Variants in CPS1 observed in about 807,000 individuals in gnomAD.
The protein encoded by CPS1 is carbamoyl-phosphate synthase 1, also known as carbamoyl-phosphate synthase [ammonia], mitochondrial.
In CPS1, 109 loss-of-function variants were observed where a neutral mutation model predicts 174.6. The ratio of observed to expected loss-of-function variants is 0.62; its 90% CI spans 0.53 to 0.73. The LOEUF (loss-of-function observed/expected upper bound fraction) is 0.73. Among genes scored for constraint, CPS1 ranks in the 30% least tolerant of loss-of-function variants. CPS1 has a pLI of 0.00. For synonymous variants in CPS1, 637 were observed against 632.0 expected, an observed-to-expected ratio of 1.01 and a Z score of -0.12; for missense variants, 1,689 against 1,821.9, an observed-to-expected ratio of 0.93 and a Z score of 1.33.
At position 210,648,499 on chromosome 2, in the gene CPS1, T is replaced by C. The variant is rs1456170262; in HGVS notation, c.3363T>C (p.Ser1121=). The C allele has an allele frequency of 5.0e-6, 8 of 1,613,570 alleles. No homozygotes were observed. The South Asian group carries it at 7.7e-5, about 16-fold the overall frequency. ...ATGAAGCACTGGAATTTGCAAAGTC[T>C]GTGGACTACCCCTGCTTGTTGAGGC... is the stretch of plus-strand genomic sequence containing the variant. ...TLNEALEFAK[S]VDYPCLLRPS... is the part of the protein sequence containing the mutation. The change falls in exon 27 of 38, where the codon TCT becomes TCC. Residue 1121 remains serine, a synonymous_variant. Coordinates refer to ENST00000233072, the MANE Select transcript of CPS1 (RefSeq NM_001875.5).
At chr2:210,594,472 T>G (rs776074886) in intron 11 of CPS1, 36 bp from the exon 12 acceptor site, 1 of 1,441,368 alleles carries the variant, frequency 6.9e-7, no homozygotes, top group Admixed American at 1.7e-5. Flanking sequence ...TTAGGAATTT[T>G]GAAGCTTCTA....
chr2:210,495,082 G>A (rs1242782423), intron 1 of CPS1, among the ~76,000 whole-genome samples: 4 of 152,130 alleles, frequency 2.6e-5, no homozygotes, highest in Admixed American at 6.5e-5. Flanking sequence ...TGGTAAAATG[G>A]ATGCAAATAT....
At chr2:210,506,605 T>C (rs769972905) in intron 1 of CPS1, among the ~76,000 whole-genome samples, 8 of 152,086 alleles carry the variant, frequency 5.3e-5, no homozygotes, top group Admixed American at 1.3e-4. Flanking sequence ...TTCGAACCCA[T>C]GGCAAAGAAG....
intron 19 of CPS1, among the ~76,000 whole-genome samples, chr2:210,609,256 AAG>A (rs1407546282): frequency 2.9e-4 from 44 of 152,102 alleles, no homozygotes; most frequent in African/African-American, 1.0e-3. Context: ...AGAGGAAAGA[AAG>A]GAATTCATAT....
At chr2:210,578,568 C>G (rs1233507567) in intron 4 of CPS1, among the ~76,000 whole-genome samples, 1 of 152,100 alleles carries the variant, frequency 6.6e-6, no homozygotes, top group Admixed American at 6.6e-5. Flanking sequence ...GAATTTTATT[C>G]TACGAAAGTG....
At chr2:210,617,995 T>C (rs1699369260) in intron 21 of CPS1, 1 of 151,986 alleles carries the variant, frequency 6.6e-6, no homozygotes, top group South Asian at 2.1e-4. Context: ...AAATAGCAGA[T>C]GTTATTGTGA....
chr2:210,570,011 A>G (rs1274590979), intron 1 of CPS1, among the ~76,000 whole-genome samples: 1 of 152,004 alleles, frequency 6.6e-6, no homozygotes, highest in African/African-American at 2.4e-5. Context: ...TTGGAATGAA[A>G]TAGCATTTGG....
At chr2:210,655,712 T>C (rs934329519) in intron 29 of CPS1, among the ~76,000 whole-genome samples, 1 of 152,186 alleles carries the variant, frequency 6.6e-6, no homozygotes, top group Non-Finnish European at 1.5e-5. Context: ...AGTAAAGCAC[T>C]TTGCCCAGGT....
chr2:210,525,526 A>G (rs1695947965), intron 1 of CPS1, among the ~76,000 whole-genome samples: 1 of 151,742 alleles, frequency 6.6e-6, no homozygotes, highest in East Asian at 2.0e-4. Flanking sequence ...AAGAACTTAC[A>G]GCTTCTGCTT....
At chr2:210,504,630 T>C (rs1399547412) in intron 1 of CPS1, among the ~76,000 whole-genome samples, 3 of 152,224 alleles carry the variant, frequency 2.0e-5, no homozygotes, top group Non-Finnish European at 2.9e-5. Flanking sequence ...GGGTTGTGTA[T>C]TGGAGTAACA....
rs528876669 is a variant in CPS1 at position 210,545,465 on chromosome 2, T to C, written c.4-11254T>C. On this transcript the variant is annotated intron_variant, in intron 1 of 38. Coordinates refer to the CPS1 transcript ENST00000430249. Reference sequence around the variant, plus strand: ...ATTGTGGCATTCTTATTGGGTGTGGTAGTAGCAATAAATTATAAATGTATG... The same window carrying C: ...ATTGTGGCATTCTTATTGGGTGTGGCAGTAGCAATAAATTATAAATGTATG... 5.3e-5 allele frequency among the ~76,000 whole-genome samples: 8 copies of C among 152,170 alleles called. No homozygotes were observed. The South Asian group carries it at 1.7e-3, about 32-fold the overall frequency.
In CPS1 at chr2:210,674,926, G is replaced by A. The variant is rs140578009; in HGVS notation, c.4126G>A (p.Gly1376Ser). The A allele has an allele frequency of 0.014, 21,990 of 1,613,610 alleles. 205 individuals carry two copies. Among genetic ancestry groups the A allele is most frequent in the Middle Eastern group, 0.036 (217 of 6,052 alleles). Residue 1376 changes from glycine (G) to serine (S), a missense_variant, in exon 35 of 38, where the codon GGT (glycine) becomes AGT (serine). Gly to Ser is a moderately conservative substitution (Grantham distance 56, BLOSUM62 0). Transcript: ENST00000233072. ...IQQSFRPRFLGVAEQLHNEGF... is the reference protein window; with the variant it reads ...IQQSFRPRFLSVAEQLHNEGF... ...GCAATCATTCCGGCCAAGATTCCTTGGTGTGGCTGAACAATTACACAATGA... is the reference window on the plus strand; with the variant it reads ...GCAATCATTCCGGCCAAGATTCCTTAGTGTGGCTGAACAATTACACAATGA...
chr2:210,670,152 C>G (rs999891162), intron 34 of CPS1, among the ~76,000 whole-genome samples: 1 of 152,074 alleles, frequency 6.6e-6, no homozygotes, highest in Non-Finnish European at 1.5e-5. Context: ...GTTCTAGCAG[C>G]TACATGAGTT....
rs121912596 is a variant in CPS1, at chr2:210,608,527, C to T, written c.2359C>T (p.Arg787Ter). 18 of 1,611,864 alleles carry T rather than the reference C, an allele frequency of 1.1e-5. No individual in the cohort carries two copies. The highest frequency in any genetic ancestry group is 1.4e-5 in the Non-Finnish European group (17 of 1,178,670). The part of the protein sequence containing the change: ...DLDRFHGTSS[R>*]IGSSMKSVGE... ...TGACCGTTTTCATGGAACATCTAGC[C>T]GAATTGGTAGCTCTATGAAAAGTGT... The change falls in exon 19 of 38, where the codon CGA (arginine) becomes TGA (stop). Residue 787 changes from arginine to a stop codon, truncating the protein, a stop_gained. Transcript: ENST00000233072. LOFTEE classifies it high-confidence loss of function.
chr2:210,626,169 A>G (rs13033773), intron 21 of CPS1, among the ~76,000 whole-genome samples: 1,797 of 152,312 alleles, frequency 0.012, 12 homozygotes, highest in Middle Eastern at 0.024. Context: ...GGCATAAGGT[A>G]TAAGTCATAA....
intron 1 of CPS1, among the ~76,000 whole-genome samples, chr2:210,502,448 A>G (rs1695167515): frequency 7.5e-6 from 1 of 133,142 alleles, no homozygotes; most frequent in South Asian, 2.5e-4. Flanking sequence ...AGAGATATCT[A>G]TGAGATACAT....
intron 7 of CPS1, among the ~76,000 whole-genome samples, chr2:210,588,744 A>G (rs552081550): frequency 8.5e-5 from 13 of 152,170 alleles, no homozygotes; most frequent in African/African-American, 2.4e-4. Context: ...ATACACACAC[A>G]TACACACATA....
upstream of CPS1, among the ~76,000 whole-genome samples, chr2:210,553,667 T>C (rs142539189): frequency 5.1e-3 from 783 of 152,096 alleles, 5 homozygotes; most frequent in African/African-American, 0.018. Context: ...ACTGTGTACA[T>C]GTGGTCAGAG....
chr2:210,577,824 C>G (rs1037080922), intron 4 of CPS1, among the ~76,000 whole-genome samples: 1 of 152,056 alleles, frequency 6.6e-6, no homozygotes, highest in Non-Finnish European at 1.5e-5. Flanking sequence ...TTTTACTCTC[C>G]TTCACCGTTT....
Sources: gnomAD v4.1 joint callset for allele counts (sites outside exome capture counted in the v4.1 genomes callset) on GRCh38, gnomAD v4.1.1 for gene constraint, MANE v1.5 for transcripts, NCBI Gene and HGNC (gene_info 2026-07-23, HGNC 2026-07-21) for gene names.